The following COPS2 variants were observed in gnomAD, a reference collection of about 807,000 sequenced individuals.
COPS2 encodes COP9 signalosome subunit 2.
A neutral mutation model predicts 66.1 loss-of-function variants in COPS2; 10 were observed. That is an observed-to-expected ratio of 0.15 (90% confidence interval 0.09 to 0.26). The LOEUF is 0.26. Among genes scored for constraint, COPS2 ranks in the 10% least tolerant of loss-of-function variants. The probability of loss-of-function intolerance (pLI) is 1.00; values close to 1 mark genes in which losing one functional copy is unlikely to be tolerated. For synonymous variants in COPS2, 179 were observed against 171.3 expected (o/e 1.04, Z -0.35); for missense variants, 215 against 513.3 (o/e 0.42, Z 5.62).
intron 1 of COPS2, among the ~76,000 whole-genome samples, chr15:49,148,831 T>C (rs529734615): frequency 6.6e-6 from 1 of 152,288 alleles, no homozygotes; most frequent in South Asian, 2.1e-4. Flanking sequence ...AAAGTGCCCA[T>C]ATGGGCACAA....
Position 49,125,703 on chromosome 15 carries a change from G to A in COPS2, c.*2247C>T, listed in dbSNP as rs2084160603. The stretch of plus-strand genomic sequence containing the variant: ...CCTGTATTCCAGAACAAAAGTCACA[G>A]ATGACTAACAGAAAAAAAAGAACGC... On this transcript the variant is annotated 3_prime_UTR_variant, in exon 13 of 13. Coordinates refer to ENST00000388901, the MANE Select transcript of COPS2 (RefSeq NM_004236.4). 1.3e-5 allele frequency: 2 copies of A among 152,006 alleles called. No homozygotes were observed. The highest frequency in any genetic ancestry group is 2.4e-5 in the African/African-American group (1 of 41,430). The allele number at this position is 152,006 out of a possible 1,614,324, so 9.4% of individuals were successfully genotyped here.
At chr15:49,140,195 A>C (rs1479853262) in intron 3 of COPS2, among the ~76,000 whole-genome samples, 1 of 150,838 alleles carries the variant, frequency 6.6e-6, no homozygotes, top group African/African-American at 2.4e-5. Context: ...GGGTTTCTCC[A>C]TGTTGGTCAG....
intron 1 of COPS2, among the ~76,000 whole-genome samples, chr15:49,149,779 T>C (rs915950717): frequency 6.6e-6 from 1 of 152,190 alleles, no homozygotes; most frequent in Non-Finnish European, 1.5e-5. Context: ...CCATTAACAA[T>C]GCTTTCTGAG....
At chr15:49,147,645 A>G (rs537616169) in intron 1 of COPS2, among the ~76,000 whole-genome samples, 1 of 150,722 alleles carries the variant, frequency 6.6e-6, no homozygotes, top group South Asian at 2.1e-4. Context: ...CGGAATACTT[A>G]TAATAAGAGT....
At chr15:49,152,563 G>A (rs1014509755) in intron 1 of COPS2, among the ~76,000 whole-genome samples, 2 of 152,054 alleles carry the variant, frequency 1.3e-5, no homozygotes, top group African/African-American at 2.4e-5. Context: ...GACTAACACC[G>A]GTAATCCCAG....
chr15:49,152,408 T>C (rs1410341411), intron 1 of COPS2, among the ~76,000 whole-genome samples: 2 of 151,190 alleles, frequency 1.3e-5, no homozygotes, highest in Non-Finnish European at 2.9e-5. Context: ...GAGAGACAGA[T>C]GAGGGGAGGA....
At chr15:49,129,653 C>T (rs2084194725) in intron 10 of COPS2, 94 bp from the exon 11 acceptor site, 2 of 531,718 alleles carry the variant, frequency 3.8e-6, no homozygotes, top group Non-Finnish European at 6.3e-6. Context: ...TCTCAAAATA[C>T]ATCTTCCTGC....
intron 9 of COPS2, among the ~76,000 whole-genome samples, chr15:49,131,840 CA>C (rs1241865258): frequency 6.6e-6 from 1 of 151,746 alleles, no homozygotes; most frequent in African/African-American, 2.4e-5. Flanking sequence ...AGTGGGGTTT[CA>C]AAAAAAACAT....
Position 49,129,552 on chromosome 15 carries a change from C to A in COPS2, c.1053G>T (p.Leu351Phe). Residue 351 changes from leucine (L) to phenylalanine (F), a missense_variant, in exon 11 of 13, where the codon TTG becomes TTT. Physicochemically the swap from Leu to Phe is conservative, Grantham distance 22. This residue lies in a region of COPS2 where 56 missense variants were observed against 173.6 expected (regional missense o/e 0.32). Transcript: ENST00000388901. Reference sequence around the variant, plus strand: ...TAAGCACTTGTGTTCTGATGTTTCGCAAAAGCTCTGAAAGACAAAAAATTA... The same window carrying A: ...TAAGCACTTGTGTTCTGATGTTTCGAAAAAGCTCTGAAAGACAAAAAATTA... ...PFIREHIEEL[L>F]RNIRTQVLIK... The A allele has an allele frequency of 6.7e-7, 1 of 1,495,514 alleles. No homozygotes were observed. The highest frequency in any genetic ancestry group is 1.3e-5 in the South Asian group (1 of 74,688). The allele number at this position is 1,495,514 out of a possible 1,614,324, so 92.6% of individuals were successfully genotyped here.
intron 1 of COPS2, among the ~76,000 whole-genome samples, chr15:49,150,449 C>CATCTTTCTACTG (rs1202654258): frequency 7.9e-5 from 12 of 152,054 alleles, no homozygotes; most frequent in Non-Finnish European, 1.8e-4. Context: ...AATCGACCAT[C>CATCTTTCTACTG]ATCTTTCTAC....
intron 4 of COPS2, 57 bp from the exon 5 acceptor site, chr15:49,137,494 A>G (rs1461648919): frequency 3.2e-6 from 4 of 1,256,702 alleles, no homozygotes; most frequent in Non-Finnish European, 4.6e-6. Flanking sequence ...ACCTGTTAAT[A>G]AAGTTAATTT....
chr15:49,145,348 C>A (rs2084313914), intron 1 of COPS2, among the ~76,000 whole-genome samples: 1 of 152,146 alleles, frequency 6.6e-6, no homozygotes. Flanking sequence ...ATAGAATCAA[C>A]ATAAAAGAAG....
intron 1 of COPS2, among the ~76,000 whole-genome samples, chr15:49,149,152 T>G (rs981853251): frequency 9.2e-5 from 14 of 152,172 alleles, no homozygotes; most frequent in African/African-American, 2.9e-4. Context: ...CCCCCTAAAG[T>G]TCAATAATAG....
rs1204426065 is a variant in COPS2 at position 49,128,015 on chromosome 15, C to T, written c.1267G>A (p.Ala423Thr). 3 of 1,613,874 alleles carry T rather than the reference C, an allele frequency of 1.9e-6. No individual in the cohort carries two copies. Among genetic ancestry groups the T allele is most frequent in the Admixed American group, 1.7e-5 (1 of 59,996 alleles). Residue 423 changes from alanine (A) to threonine (T), a missense_variant, in exon 13 of 13, where the codon GCA becomes ACA. Physicochemically the swap from Ala to Thr is moderately conservative, Grantham distance 58. This residue lies in a region of COPS2 where 42 missense variants were observed against 55.9 expected (regional missense o/e 0.75). Transcript: ENST00000388901. Reference protein sequence around the residue: ...HQKRGGARYTALDKWTNQLNS... With the variant: ...HQKRGGARYTTLDKWTNQLNS... ...AGTTGGTTGGTCCATTTATCTAGTG[C>T]AGTATATCGTGCACCACCCCTCTTC...
At chr15:49,154,091 T>C (rs571262410) in intron 1 of COPS2, among the ~76,000 whole-genome samples, 7 of 152,198 alleles carry the variant, frequency 4.6e-5, no homozygotes, top group African/African-American at 1.7e-4. Context: ...ATATCCTAAA[T>C]ACCGACTTGA....
At chr15:49,136,641 G>A (rs2084254243) in intron 6 of COPS2, among the ~76,000 whole-genome samples, 1 of 152,080 alleles carries the variant, frequency 6.6e-6, no homozygotes, top group South Asian at 2.1e-4. Context: ...ATAATAGTAA[G>A]TATTACAATA....
In COPS2 at chr15:49,123,221, A is replaced by T. The variant is rs1466134337; in HGVS notation, c.*4729T>A. On this transcript the variant is annotated 3_prime_UTR_variant, in exon 13 of 13. Coordinates refer to ENST00000388901, the MANE Select transcript of COPS2 (RefSeq NM_004236.4). ...TAATAAGCATGCCAAAACTTTTGAC[A>T]ACTTCATGGGATGACGCTAGAGATT... 6.6e-6 allele frequency: 1 copy of T among 152,220 alleles called. No homozygotes were observed. Among genetic ancestry groups the T allele is most frequent in the Non-Finnish European group, 1.5e-5 (1 of 68,030 alleles). The allele number at this position is 152,220 out of a possible 1,614,324, so 9.4% of individuals were successfully genotyped here.
Position 49,155,569 on chromosome 15 carries a change from T to A in COPS2, c.10A>T (p.Met4Leu), listed in dbSNP as rs755145333. ...TCATCGCACATGAAATCATCCTCCA[T>A]GTCAGACATCTTGGCCGGGAGGGGG... MSD[M>L]EDDFMCDDEE... is the part of the protein sequence containing the mutation. The change falls in exon 1 of 13, where the codon ATG becomes TTG. Residue 4 changes from methionine to leucine, a missense_variant. Coordinates refer to ENST00000388901, the MANE Select transcript of COPS2 (RefSeq NM_004236.4). 6.2e-6 allele frequency: 10 copies of A among 1,614,128 alleles called. No homozygotes were observed. Among genetic ancestry groups the A allele is most frequent in the Non-Finnish European group, 8.5e-6 (10 of 1,180,004 alleles).
intron 11 of COPS2, 61 bp from the exon 12 acceptor site, chr15:49,128,821 A>G (rs1032202502): frequency 1.8e-6 from 2 of 1,083,920 alleles, no homozygotes; most frequent in Admixed American, 4.4e-5. Context: ...ATTTTACACA[A>G]TCATTCTAAT....
Sources: gnomAD v4.1 joint callset for allele counts (sites outside exome capture counted in the v4.1 genomes callset) on GRCh38, gnomAD v4.1.1 for gene constraint, gnomAD v4.1.1 regional missense constraint, MANE v1.5 for transcripts, NCBI Gene and HGNC (gene_info 2026-07-23, HGNC 2026-07-21) for gene names.